Variants in GTF2IRD1 observed in about 807,000 individuals in gnomAD.
The protein encoded by GTF2IRD1 is GTF2I repeat domain containing 1.
GTF2IRD1 carries 26 observed loss-of-function variants against 113.2 expected under a neutral mutation model. That is an observed-to-expected ratio of 0.23 (90% CI 0.17 to 0.32). GTF2IRD1 has a LOEUF of 0.32. Ranked by LOEUF, GTF2IRD1 falls within the 10% of genes least tolerant of loss-of-function variation. The probability of loss-of-function intolerance (pLI) is 1.00; values close to 1 mark genes in which losing one functional copy is unlikely to be tolerated. For synonymous variants in GTF2IRD1, 484 were observed against 529.1 expected, an observed-to-expected ratio of 0.91 and a Z score of 1.17; for missense variants, 864 against 1,280.8, an observed-to-expected ratio of 0.67 and a Z score of 4.97.
intron 1 of GTF2IRD1, among the ~76,000 whole-genome samples, chr7:74,479,752 CTTTTTTTTTTT>C (rs1219454712): frequency 4.3e-4 from 53 of 122,150 alleles, no homozygotes; most frequent in Admixed American, 1.4e-3. Flanking sequence ...GTACATGAAT[CTTTTTTTTTTT>C]TTTTTTTTTT....
chr7:74,512,846 A>G lies in GTF2IRD1; in HGVS notation c.140A>G (p.Lys47Arg). 6.2e-7 allele frequency: 1 copy of G among 1,613,994 alleles called. No individual in the cohort carries two copies. Among genetic ancestry groups the G allele is most frequent in the Non-Finnish European group, 8.5e-7 (1 of 1,179,956 alleles). The change falls in exon 3 of 27, where the codon AAA becomes AGA. Residue 47 changes from lysine to arginine, a missense_variant. Transcript: ENST00000424337. The surrounding 1 kb of genome is among the most constrained non-coding windows in gnomAD (Gnocchi z 4.4). ...ALDSMCSALS[K>R]LNAEVACVAV... is the part of the protein sequence containing the mutation. ...TTCCCACAGTGCTCAGCGCTGTCCA[A>G]ACTGAACGCCGAGGTGGCCTGTGTC...
intron 17 of GTF2IRD1, among the ~76,000 whole-genome samples, chr7:74,549,161 A>C (rs1345463930): frequency 1.3e-5 from 2 of 151,936 alleles, no homozygotes; most frequent in African/African-American, 4.8e-5. Context: ...GTGGTGGCTC[A>C]CACCTGTAAT....
At chr7:74,454,431 C>A (rs1411736536) in intron 1 of GTF2IRD1, among the ~76,000 whole-genome samples, 1 of 151,948 alleles carries the variant, frequency 6.6e-6, no homozygotes, top group Non-Finnish European at 1.5e-5. Flanking sequence ...GCTGTCACCC[C>A]CTCCCTCCTT....
intron 17 of GTF2IRD1, among the ~76,000 whole-genome samples, chr7:74,551,288 A>G (rs1554354958): frequency 6.6e-6 from 1 of 152,132 alleles, no homozygotes; most frequent in Non-Finnish European, 1.5e-5. Context: ...GGTTGCAGTG[A>G]GCTGAGATCA....
At chr7:74,568,565 G>A (rs1348736346) in intron 22 of GTF2IRD1, among the ~76,000 whole-genome samples, 3 of 151,964 alleles carry the variant, frequency 2.0e-5, no homozygotes, top group Admixed American at 1.3e-4. Flanking sequence ...GGAGAATGGC[G>A]TGAACCCGGG....
intron 20 of GTF2IRD1, among the ~76,000 whole-genome samples, chr7:74,558,364 T>TTTTTTTTTTTTTTTTTTTG (rs1554357920): frequency 1.4e-4 from 17 of 121,318 alleles, no homozygotes; most frequent in Non-Finnish European, 2.5e-4. Context: ...TTTTTTTTTT[T>TTTTTTTTTTTTTTTTTTTG]TTTTTTTTTT....
chr7:74,497,459 T>C (rs550163819), intron 1 of GTF2IRD1, among the ~76,000 whole-genome samples: 1 of 152,228 alleles, frequency 6.6e-6, no homozygotes, highest in African/African-American at 2.4e-5. Flanking sequence ...AGATGGAATC[T>C]TGCCAGGCTG....
chr7:74,588,424 C>T (rs1801859025), intron 22 of GTF2IRD1, among the ~76,000 whole-genome samples: 1 of 152,020 alleles, frequency 6.6e-6, no homozygotes, highest in African/African-American at 2.4e-5. Flanking sequence ...AGATCTTTCA[C>T]GCTTGAGTGC....
intron 1 of GTF2IRD1, among the ~76,000 whole-genome samples, chr7:74,486,213 C>T (rs539558546): frequency 7.2e-5 from 11 of 152,194 alleles, no homozygotes; most frequent in African/African-American, 2.6e-4. Context: ...TCAAGTGATC[C>T]GCCCACACCG....
chr7:74,494,911 C>T (rs1795568663), intron 1 of GTF2IRD1, among the ~76,000 whole-genome samples: 1 of 152,066 alleles, frequency 6.6e-6, no homozygotes, highest in Admixed American at 6.6e-5. Flanking sequence ...ACTACCATGC[C>T]TAGCTAATTT....
At chr7:74,479,595 A>G (rs1379795365) in intron 1 of GTF2IRD1, among the ~76,000 whole-genome samples, 1 of 151,542 alleles carries the variant, frequency 6.6e-6, no homozygotes, top group Admixed American at 6.6e-5. Context: ...GCAAACGCCA[A>G]CTCCCCTGGG....
intron 19 of GTF2IRD1, among the ~76,000 whole-genome samples, chr7:74,557,088 A>G (rs1415943356): frequency 6.6e-6 from 1 of 152,130 alleles, no homozygotes; most frequent in Non-Finnish European, 1.5e-5. Flanking sequence ...CAAAAACACA[A>G]AAAAGAAATT....
intron 1 of GTF2IRD1, among the ~76,000 whole-genome samples, chr7:74,493,198 C>T (rs1167458902): frequency 6.6e-6 from 1 of 151,702 alleles, no homozygotes; most frequent in Non-Finnish European, 1.5e-5. Context: ...CATCCTTGAC[C>T]TCCTGGGCTC....
chr7:74,503,449 A>G (rs1796138895), intron 1 of GTF2IRD1, among the ~76,000 whole-genome samples: 1 of 151,966 alleles, frequency 6.6e-6, no homozygotes, highest in Non-Finnish European at 1.5e-5. Flanking sequence ...TGTCTTTCTC[A>G]TTATTATTAT....
intron 22 of GTF2IRD1, among the ~76,000 whole-genome samples, chr7:74,560,572 AATATT>A (rs1333460398): frequency 6.8e-6 from 1 of 147,660 alleles, no homozygotes; most frequent in East Asian, 1.9e-4. Context: ...TATAATAAAA[AATATT>A]ATATAGAGAG....
chr7:74,477,460 C>T (rs552149377), intron 1 of GTF2IRD1, among the ~76,000 whole-genome samples: 1 of 147,242 alleles, frequency 6.8e-6, no homozygotes, highest in Non-Finnish European at 1.5e-5. Context: ...ATAATGAATG[C>T]TTTGGAGTAG....
chr7:74,521,308 G>A lies in GTF2IRD1; in HGVS notation c.1006+11G>A, dbSNP rs782810965. The A allele has an allele frequency of 6.5e-6, 10 of 1,544,654 alleles. No individual in the cohort carries two copies. The highest frequency in any genetic ancestry group is 1.7e-4 in the Middle Eastern group (1 of 5,940). On this transcript the variant is annotated intron_variant, in intron 7 of 26. Coordinates refer to ENST00000424337, the MANE Select transcript of GTF2IRD1 (RefSeq NM_005685.4). Reference sequence around the variant, plus strand: ...TCCATGACAAGTCAGGTAGGACAGCGCCCACGAAGCACCCCGGCCTGAGTG... The same window carrying A: ...TCCATGACAAGTCAGGTAGGACAGCACCCACGAAGCACCCCGGCCTGAGTG...
intron 22 of GTF2IRD1, chr7:74,571,140 A>T: frequency 1.0e-6 from 1 of 984,686 alleles, no homozygotes; most frequent in Non-Finnish European, 1.2e-6. Context: ...GACCCCAGGG[A>T]TGTGGCAGAG....
intron 1 of GTF2IRD1, among the ~76,000 whole-genome samples, chr7:74,472,869 G>A (rs896361975): frequency 1.1e-4 from 16 of 152,350 alleles, no homozygotes; most frequent in African/African-American, 3.6e-4. Flanking sequence ...CTCCTGGTTC[G>A]GGAGGCTGGA....
Sources: allele counts gnomAD v4.1 joint callset (sites outside exome capture counted in the v4.1 genomes callset), GRCh38; gene constraint gnomAD v4.1.1; non-coding constraint Gnocchi (gnomAD v3.1); transcripts MANE v1.5; gene names NCBI Gene and HGNC (gene_info 2026-07-23, HGNC 2026-07-21).